The following HDAC4 variants were observed in gnomAD, a reference collection of about 807,000 sequenced individuals.
The protein encoded by HDAC4 is histone deacetylase 4, also known as histone deacetylase A.
HDAC4 carries 16 observed loss-of-function variants against 135.1 expected under a neutral mutation model. The ratio of observed to expected loss-of-function variants is 0.12; its 90% CI spans 0.08 to 0.18. HDAC4 has a LOEUF of 0.18. Ranked by LOEUF, HDAC4 falls within the 10% of genes least tolerant of loss-of-function variation. HDAC4 has a pLI of 1.00. For synonymous variants in HDAC4, 685 were observed against 653.4 expected (o/e 1.05, Z -0.74); for missense variants, 1,143 against 1,511.8 (o/e 0.76, Z 4.05).
chr2:239,080,344 A>G (rs142059548), intron 22 of HDAC4, among the ~76,000 whole-genome samples: 1 of 152,366 alleles, frequency 6.6e-6, no homozygotes, highest in African/African-American at 2.4e-5. Flanking sequence ...GAGACACGGC[A>G]TGTCAGGCTC....
intron 22 of HDAC4, among the ~76,000 whole-genome samples, chr2:239,078,981 C>A (rs758101304): frequency 6.6e-6 from 1 of 152,228 alleles, no homozygotes; most frequent in Non-Finnish European, 1.5e-5. Context: ...CTGGGTCCCC[C>A]GGGTGGCACC....
rs898426524 is a variant in HDAC4 at position 239,048,823 on chromosome 2, C to T, written c.*4274G>A. 1 of 152,204 alleles carries T rather than the reference C, an allele frequency of 6.6e-6. No individual in the cohort carries two copies. Among genetic ancestry groups the T allele is most frequent in the Non-Finnish European group, 1.5e-5 (1 of 68,034 alleles). The allele number at this position is 152,204 out of a possible 1,614,324, so 9.4% of individuals were successfully genotyped here. ...ATAATTGTAAACCACAGTGCTCGCA[C>T]AGTTCACGACTGCTTAAAGTGAAAT... On this transcript the variant is annotated 3_prime_UTR_variant, in exon 27 of 27. Transcript: ENST00000543185.
chr2:239,354,438 G>A (rs1267420965), intron 1 of HDAC4, among the ~76,000 whole-genome samples: 9 of 152,174 alleles, frequency 5.9e-5, no homozygotes, highest in Admixed American at 4.6e-4. Context: ...AAAGAGACAA[G>A]TCTCAGCACT....
chr2:239,198,398 G>T (rs910438718), intron 3 of HDAC4, among the ~76,000 whole-genome samples: 1 of 152,144 alleles, frequency 6.6e-6, no homozygotes, highest in African/African-American at 2.4e-5. Flanking sequence ...TACTGTCCAC[G>T]AGAGGCGCCT....
chr2:239,383,087 G>C (rs1476397604), intron 1 of HDAC4, among the ~76,000 whole-genome samples: 1 of 152,178 alleles, frequency 6.6e-6, no homozygotes, highest in African/African-American at 2.4e-5. Flanking sequence ...TTACAGGCAT[G>C]GTTGGCTTAA....
chr2:239,172,350 G>A (rs1302466695), intron 5 of HDAC4, among the ~76,000 whole-genome samples: 2 of 149,150 alleles, frequency 1.3e-5, no homozygotes, highest in Admixed American at 6.7e-5. Flanking sequence ...GGCAAGACAA[G>A]TGCATTAGAA....
chr2:239,393,539 T>C (rs1417856346), intron 1 of HDAC4, among the ~76,000 whole-genome samples: 1 of 152,122 alleles, frequency 6.6e-6, no homozygotes, highest in East Asian at 1.9e-4. Flanking sequence ...CTGGCCACAA[T>C]GCCCTTTTCA....
At chr2:239,094,716 G>T in intron 17 of HDAC4, 1 of 1,262,896 alleles carries the variant, frequency 7.9e-7, no homozygotes, top group East Asian at 4.2e-5. Flanking sequence ...CACAGACTTC[G>T]AAGGGGATGA....
intron 2 of HDAC4, among the ~76,000 whole-genome samples, chr2:239,239,181 T>A (rs1159365974): frequency 6.6e-6 from 1 of 152,156 alleles, no homozygotes; most frequent in Non-Finnish European, 1.5e-5. Context: ...TGCCCCCATT[T>A]CAGACACAAG....
chr2:239,263,777 T>C (rs2049531742), intron 2 of HDAC4, among the ~76,000 whole-genome samples: 1 of 152,148 alleles, frequency 6.6e-6, no homozygotes, highest in African/African-American at 2.4e-5. Flanking sequence ...AGTGCTGCTG[T>C]CCTGGGCATG....
At chr2:239,122,034 A>C (rs1039432802) in intron 12 of HDAC4, among the ~76,000 whole-genome samples, 1 of 152,210 alleles carries the variant, frequency 6.6e-6, no homozygotes, top group Non-Finnish European at 1.5e-5. Context: ...ATGCACCTCC[A>C]TATTTGGAAT....
chr2:239,126,669 T>C lies in HDAC4; in HGVS notation c.1320A>G (p.Ala440=). 1 of 1,613,872 alleles carries C rather than the reference T, an allele frequency of 6.2e-7. No homozygotes were observed. Among genetic ancestry groups the C allele is most frequent in the Non-Finnish European group, 8.5e-7 (1 of 1,179,946 alleles). ...CCAAGGACTGTGCGTGGAGGGGCAG[T>C]GCTCCCAGGCCTGAAAGATACCAGT... ...VTDWYLSGLG[A]LPLHAQSLVG... Residue 440 remains alanine, a synonymous_variant, in exon 12 of 27, where the codon GCA becomes GCG. Coordinates refer to ENST00000543185, the MANE Select transcript of HDAC4 (RefSeq NM_001378414.1).
At chr2:239,316,583 A>AT (rs1198175373) in intron 2 of HDAC4, among the ~76,000 whole-genome samples, 3 of 152,232 alleles carry the variant, frequency 2.0e-5, no homozygotes, top group Admixed American at 6.5e-5. Context: ...CCTGTACAGT[A>AT]TACCAATGGG....
rs1180905679 is a variant in HDAC4 at position 239,236,617 on chromosome 2, G to A, written c.70C>T (p.Arg24Cys). 9.7e-6 allele frequency: 15 copies of A among 1,551,624 alleles called. No individual in the cohort carries two copies. The highest frequency in any genetic ancestry group is 2.7e-5 in the African/African-American group (2 of 73,054). Residue 24 changes from arginine (R) to cysteine (C), a missense_variant, in exon 3 of 27, where the codon CGC (arginine) becomes TGC (cysteine). Physicochemically the swap from Arg to Cys is radical, Grantham distance 180 (BLOSUM62 -3). Around this residue, in one of 9 missense-constraint regions of HDAC4, gnomAD observed 247 missense variants for 310.0 expected, o/e 0.80. Coordinates refer to ENST00000543185, the MANE Select transcript of HDAC4 (RefSeq NM_001378414.1). ...DQPVELLNPA[R>C]VNHMPSTVDV... ...CCCGTGCTGGGCATGTGGTTCACGC[G>A]GGCAGGATTCAGCAGCTCCACTGGC...
rs142131540 is a variant in HDAC4 at position 239,139,705 on chromosome 2, G to A, written c.957C>T (p.Ala319=). Residue 319 remains alanine, a synonymous_variant, in exon 9 of 27, where the codon GCC becomes GCT. Coordinates refer to ENST00000543185, the MANE Select transcript of HDAC4 (RefSeq NM_001378414.1). The surrounding 1 kb of genome is among the most constrained non-coding windows in gnomAD (Gnocchi z 5.3). ...TGACCTCCGCCGGGATGCTGGGGAC[G>A]GCGGGCGCGATACCGTTCTCCGCGC... is the stretch of plus-strand genomic sequence containing the variant. ...SVSAENGIAP[A]VPSIPAETSL... 94 of 1,613,934 alleles carry A rather than the reference G, an allele frequency of 5.8e-5. 1 individual carries two copies. In the African/African-American group the frequency reaches 6.7e-4, roughly 11 times the overall value.
At chr2:239,273,409 T>C (rs1430485616) in intron 2 of HDAC4, among the ~76,000 whole-genome samples, 2 of 152,196 alleles carry the variant, frequency 1.3e-5, no homozygotes, top group African/African-American at 4.8e-5. Context: ...CTCATTCCTC[T>C]GAAAGATGGT....
chr2:239,210,078 C>G (rs1472185306), intron 3 of HDAC4, among the ~76,000 whole-genome samples: 1 of 152,166 alleles, frequency 6.6e-6, no homozygotes, highest in African/African-American at 2.4e-5. Flanking sequence ...CGTGACCCAG[C>G]AACAAGCCCT....
At chr2:239,328,616 A>G (rs1348045218) in intron 2 of HDAC4, among the ~76,000 whole-genome samples, 1 of 152,224 alleles carries the variant, frequency 6.6e-6, no homozygotes, top group Non-Finnish European at 1.5e-5. Context: ...AGGAAAAAGA[A>G]ACACCAAACA....
At chr2:239,062,126 C>T (rs1208344298) in intron 24 of HDAC4, among the ~76,000 whole-genome samples, 1 of 152,274 alleles carries the variant, frequency 6.6e-6, no homozygotes, top group African/African-American at 2.4e-5. Context: ...CTTTTCACTG[C>T]CCATAGTCAC....
Sources: allele counts gnomAD v4.1 joint callset (sites outside exome capture counted in the v4.1 genomes callset), GRCh38; gene constraint gnomAD v4.1.1; regional missense constraint gnomAD v4.1.1; non-coding constraint Gnocchi (gnomAD v3.1); transcripts MANE v1.5; gene names NCBI Gene and HGNC (gene_info 2026-07-23, HGNC 2026-07-21).